CHRDL2: variants seen among roughly 807,000 people sequenced by gnomAD.
CHRDL2 encodes the protein chordin-like protein 2.
In CHRDL2, 41 loss-of-function variants were observed where a neutral mutation model predicts 54.3. That is an observed-to-expected ratio of 0.76 (90% confidence interval 0.59 to 0.98). The LOEUF is 0.98. CHRDL2 is among the 50% of genes least tolerant of loss of function. The pLI is 0.00. For synonymous variants in CHRDL2, 220 were observed against 224.3 expected, an observed-to-expected ratio of 0.98 and a Z score of 0.17; for missense variants, 518 against 562.4, an observed-to-expected ratio of 0.92 and a Z score of 0.80.
chr11:74,697,553 C>T (rs1198717286), intron 9 of CHRDL2: 31 of 549,842 alleles, frequency 5.6e-5, no homozygotes, highest in South Asian at 5.4e-4. Context: ...TTCACTCCCC[C>T]TCTAATCTGC....
Position 74,696,595 on chromosome 11 carries a change from GGAGGGCAGAA to G in CHRDL2, c.1214-20_1214-11del. On this transcript the variant is annotated splice_polypyrimidine_tract_variant and intron_variant, in intron 10 of 10. Coordinates refer to ENST00000376332, the MANE Select transcript of CHRDL2 (RefSeq NM_001278473.3). ...AAGACGTTCCAGTGACCTGCATGGA[GGAGGGCAGAA>G]GAGGGAAGAGGCGTATGTGTCTGCA... 6.2e-7 allele frequency: 1 copy of G among 1,608,458 alleles called. No individual in the cohort carries two copies. The highest frequency in any genetic ancestry group is 8.5e-7 in the Non-Finnish European group (1 of 1,175,330).
At chr11:74,724,080 A>G (rs1424887623) in intron 1 of CHRDL2, among the ~76,000 whole-genome samples, 1 of 152,262 alleles carries the variant, frequency 6.6e-6, no homozygotes, top group Non-Finnish European at 1.5e-5. Context: ...AGATAGATAC[A>G]ATACATTCAG....
chr11:74,701,829 G>C (rs74551717), intron 9 of CHRDL2, among the ~76,000 whole-genome samples: 9,431 of 151,838 alleles, frequency 0.062, 469 homozygotes, highest in African/African-American at 0.12. Flanking sequence ...CATCAGTAGA[G>C]GAAAGGAACT....
Position 74,718,735 on chromosome 11 carries a change from G to A in CHRDL2, c.180C>T (p.Arg60=), listed in dbSNP as rs760219786. ...LEPQGLMYCL[R]CTCSEGAHVS... is the part of the protein sequence containing the mutation. ...AGGAACCTACCTCTGAGCAGGTACAGCGCAGGCAGTACATCAGGCCTTGTG... is the reference window on the plus strand; with the variant it reads ...AGGAACCTACCTCTGAGCAGGTACAACGCAGGCAGTACATCAGGCCTTGTG... Residue 60 remains arginine, a synonymous_variant, in exon 2 of 11, where the codon CGC becomes CGT. Coordinates refer to ENST00000376332, the MANE Select transcript of CHRDL2 (RefSeq NM_001278473.3). The A allele has an allele frequency of 1.1e-5, 18 of 1,612,580 alleles. No individual in the cohort carries two copies. Among genetic ancestry groups the A allele is most frequent in the Middle Eastern group, 1.7e-4 (1 of 6,050 alleles).
intron 1 of CHRDL2, among the ~76,000 whole-genome samples, chr11:74,722,509 G>A (rs1410161696): frequency 1.3e-5 from 2 of 151,922 alleles, no homozygotes; most frequent in Non-Finnish European, 2.9e-5. Context: ...TATGTAATAT[G>A]CCTAGTGCCT....
intron 8 of CHRDL2, 128 bp from the exon 9 acceptor site, chr11:74,703,095 G>A: frequency 9.3e-7 from 1 of 1,081,062 alleles, no homozygotes; most frequent in Non-Finnish European, 1.3e-6. Context: ...AACAACCTCT[G>A]AATCTATTAT....
chr11:74,696,961 C>A (rs2033616418), intron 10 of CHRDL2, among the ~76,000 whole-genome samples: 1 of 152,200 alleles, frequency 6.6e-6, no homozygotes, highest in African/African-American at 2.4e-5. Flanking sequence ...CAGACCTCCC[C>A]TCTCCACAGC....
chr11:74,729,962 AT>A (rs1311239690), intron 1 of CHRDL2, among the ~76,000 whole-genome samples: 2 of 151,922 alleles, frequency 1.3e-5, no homozygotes, highest in Non-Finnish European at 2.9e-5. Context: ...TTGGGAACTG[AT>A]TTTTTTTGGA....
intron 9 of CHRDL2, among the ~76,000 whole-genome samples, chr11:74,700,622 T>TTTATTATTA (rs1554984202): frequency 1.4e-3 from 195 of 140,374 alleles, no homozygotes; most frequent in Non-Finnish European, 2.1e-3. Flanking sequence ...GAATCTTTTT[T>TTTATTATTA]TTATTATTAT....
intron 1 of CHRDL2, among the ~76,000 whole-genome samples, chr11:74,726,966 T>C (rs539908299): frequency 2.6e-5 from 4 of 152,124 alleles, no homozygotes; most frequent in African/African-American, 9.7e-5. Context: ...ATCCAGGCAC[T>C]TTTTTCTGGT....
At chr11:74,697,711 C>A in intron 9 of CHRDL2, 1 of 418,792 alleles carries the variant, frequency 2.4e-6, no homozygotes. Context: ...CCTGCTCTCA[C>A]AACACCCACC....
chr11:74,705,969 A>T (rs1263966301), intron 6 of CHRDL2, among the ~76,000 whole-genome samples: 1 of 152,108 alleles, frequency 6.6e-6, no homozygotes, highest in Non-Finnish European at 1.5e-5. Context: ...GACTTGAATC[A>T]ATGTGTGATT....
At chr11:74,719,309 G>A (rs2034447579) in intron 1 of CHRDL2, 1 of 159,096 alleles carries the variant, frequency 6.3e-6, no homozygotes. Context: ...TGTCCCATTT[G>A]GCTTATTTAG....
At chr11:74,701,527 A>G in intron 9 of CHRDL2, 1 of 707,840 alleles carries the variant, frequency 1.4e-6, no homozygotes, top group Non-Finnish European at 2.6e-6. Flanking sequence ...GGGGCAGAGT[A>G]GAGCAGGGAA....
chr11:74,703,021 CA>C (rs1195011289), intron 8 of CHRDL2, 54 bp from the exon 9 acceptor site: 1 of 1,495,556 alleles, frequency 6.7e-7, no homozygotes, highest in East Asian at 2.3e-5. Flanking sequence ...TGTACCTCTT[CA>C]AAGCTCTAAT....
chr11:74,700,350 CTCTT>C (rs2033758642), intron 9 of CHRDL2, among the ~76,000 whole-genome samples: 1 of 152,166 alleles, frequency 6.6e-6, no homozygotes, highest in Non-Finnish European at 1.5e-5. Flanking sequence ...CCCTTTTTGC[CTCTT>C]TATTTATTTA....
intron 9 of CHRDL2, chr11:74,697,587 C>T (rs2033643929): frequency 7.7e-6 from 4 of 522,200 alleles, no homozygotes; most frequent in South Asian, 1.7e-5. Flanking sequence ...GTCATTAGAA[C>T]ATGTATACGT....
At chr11:74,708,871 C>G (rs2034098869) in intron 4 of CHRDL2, among the ~76,000 whole-genome samples, 1 of 152,176 alleles carries the variant, frequency 6.6e-6, no homozygotes. Context: ...CCTTGAAAGG[C>G]AAGACTGCAG....
intron 2 of CHRDL2, among the ~76,000 whole-genome samples, chr11:74,716,175 G>A (rs1386771602): frequency 6.6e-6 from 1 of 152,124 alleles, no homozygotes; most frequent in Admixed American, 6.6e-5. Flanking sequence ...GTTGGAATGA[G>A]GTTCAAGTGT....
Sources: gnomAD v4.1 joint callset for allele counts (sites outside exome capture counted in the v4.1 genomes callset) on GRCh38, gnomAD v4.1.1 for gene constraint, MANE v1.5 for transcripts, NCBI Gene and HGNC (gene_info 2026-07-23, HGNC 2026-07-21) for gene names.